The following TM9SF4 variants were observed in gnomAD, a reference collection of about 807,000 sequenced individuals.
TM9SF4 encodes transmembrane 9 superfamily member 4, also known as dinucleotide oxidase disulfide thiol exchanger 3 superfamily member 4.
TM9SF4 carries 26 observed loss-of-function variants against 90.4 expected under a neutral mutation model. The observed-to-expected ratio is 0.29, with a 90% CI of 0.21 to 0.40. The LOEUF is 0.40. Ranked by LOEUF, TM9SF4 falls within the 10% of genes least tolerant of loss-of-function variation. The probability of loss-of-function intolerance (pLI) is 1.00; values close to 1 mark genes in which losing one functional copy is unlikely to be tolerated. For synonymous variants in TM9SF4, 293 were observed against 315.4 expected (o/e 0.93, Z 0.75); for missense variants, 549 against 834.8 (o/e 0.66, Z 4.22).
chr20:32,121,862 CGGCTGGCCGGGCGGGGGGCTG>C (rs1569048774), intron 1 of TM9SF4, among the ~76,000 whole-genome samples: 5 of 146,200 alleles, frequency 3.4e-5, no homozygotes, highest in East Asian at 2.1e-4. Flanking sequence ...CCGGACGGGG[CGGCTGGCCGGGCGGGGGGCTG>C]ACCCCCCCAC....
At chr20:32,134,431 T>TTAA (rs2046566137) in intron 2 of TM9SF4, among the ~76,000 whole-genome samples, 1 of 152,218 alleles carries the variant, frequency 6.6e-6, no homozygotes, top group Admixed American at 6.5e-5. Flanking sequence ...ATAGAGGTCC[T>TTAA]TAATCCCTGC....
At chr20:32,115,828 T>C (rs78995606) in intron 1 of TM9SF4, among the ~76,000 whole-genome samples, 1 of 145,286 alleles carries the variant, frequency 6.9e-6, no homozygotes, top group African/African-American at 2.6e-5. Flanking sequence ...TTTTTTTTTT[T>C]TTTGAGACAG....
intron 6 of TM9SF4, among the ~76,000 whole-genome samples, chr20:32,144,505 CA>C (rs2046731659): frequency 6.6e-6 from 1 of 152,146 alleles, no homozygotes; most frequent in Non-Finnish European, 1.5e-5. Flanking sequence ...AGTGAAGGAA[CA>C]CTGACTCAGG....
intron 9 of TM9SF4, among the ~76,000 whole-genome samples, chr20:32,148,607 A>G (rs973595377): frequency 6.7e-6 from 1 of 149,962 alleles, no homozygotes; most frequent in Non-Finnish European, 1.5e-5. Context: ...CAATTCTTCT[A>G]TTATTTTTCT....
intron 1 of TM9SF4, among the ~76,000 whole-genome samples, chr20:32,111,230 A>G (rs762681079): frequency 1.3e-5 from 2 of 152,220 alleles, no homozygotes; most frequent in Non-Finnish European, 2.9e-5. Context: ...CAAATCCTCA[A>G]AGTAGTATGT....
intron 1 of TM9SF4, among the ~76,000 whole-genome samples, chr20:32,112,574 A>G (rs1188313723): frequency 3.3e-5 from 5 of 151,924 alleles, no homozygotes; most frequent in African/African-American, 1.2e-4. Flanking sequence ...CACACCTGTA[A>G]TCCCAGCTAC....
At chr20:32,146,902 G>A in intron 9 of TM9SF4, 47 bp downstream of exon 9, 9 of 1,558,168 alleles carry the variant, frequency 5.8e-6, no homozygotes, top group Non-Finnish European at 7.9e-6. Context: ...GGGGAGGGGA[G>A]GAGGACCGTG....
intron 9 of TM9SF4, among the ~76,000 whole-genome samples, chr20:32,148,983 C>T (rs1489168510): frequency 6.6e-6 from 1 of 152,184 alleles, no homozygotes; most frequent in Non-Finnish European, 1.5e-5. Context: ...AATATTACAG[C>T]TTTGAAATAC....
chr20:32,158,627 T>C, intron 15 of TM9SF4, 113 bp downstream of exon 15: 1 of 1,023,310 alleles, frequency 9.8e-7, no homozygotes, highest in Admixed American at 2.0e-5. Context: ...CCACTTCACC[T>C]CTCGGAGCCC....
chr20:32,162,833 G>A (rs879820658), intron 17 of TM9SF4, among the ~76,000 whole-genome samples: 2 of 151,896 alleles, frequency 1.3e-5, no homozygotes, highest in Admixed American at 6.6e-5. Flanking sequence ...TAAGTGGCAA[G>A]TGACTAAAAC....
intron 1 of TM9SF4, among the ~76,000 whole-genome samples, chr20:32,121,987 C>T (rs1333308060): frequency 6.9e-6 from 1 of 144,740 alleles, no homozygotes; most frequent in Non-Finnish European, 1.5e-5. Context: ...GGGCTGACCC[C>T]CCCACCTCCC....
chr20:32,116,194 T>C (rs911944911), intron 1 of TM9SF4: 9 of 151,424 alleles, frequency 5.9e-5, no homozygotes, highest in Non-Finnish European at 1.2e-4. Context: ...GTTAGCACTA[T>C]CCGTCTCCAG....
rs911187580 is a variant in TM9SF4, at chr20:32,128,846, C to G, written c.16-4167C>G. Among the ~76,000 whole-genome samples, 10 of 138,912 alleles carry G rather than the reference C, an allele frequency of 7.2e-5. No individual in the cohort carries two copies. In the Admixed American group the frequency reaches 7.7e-4, roughly 11 times the overall value. The allele number at this position is 138,912 out of a possible 152,430, so 91.1% of individuals were successfully genotyped here. Reference sequence around the variant, plus strand: ...TGTGTGTATACATTTATACAGTGTCCCAAGTCCTAGGTCTCCCTGAAGGCT... The same window carrying G: ...TGTGTGTATACATTTATACAGTGTCGCAAGTCCTAGGTCTCCCTGAAGGCT... On this transcript the variant is annotated intron_variant, in intron 1 of 17. Coordinates refer to ENST00000398022, the MANE Select transcript of TM9SF4 (RefSeq NM_014742.4).
chr20:32,133,015 T>C lies in TM9SF4; in HGVS notation c.18T>C (p.Asp6=), dbSNP rs2122375095. 6.2e-7 allele frequency: 1 copy of C among 1,614,030 alleles called. No individual in the cohort carries two copies. Among genetic ancestry groups the C allele is most frequent in the Admixed American group, 1.7e-5 (1 of 60,022 alleles). ...ACCCTGGCCTCTCTTCTGAGCAGGATTGGTTGCCGTGGTCTTTACTGCTTT... is the reference window on the plus strand; with the variant it reads ...ACCCTGGCCTCTCTTCTGAGCAGGACTGGTTGCCGTGGTCTTTACTGCTTT... MATAM[D]WLPWSLLLFS... The change falls in exon 2 of 18, where the codon GAT becomes GAC. Residue 6 remains aspartate, a splice_region_variant and synonymous_variant. Transcript: ENST00000398022.
At chr20:32,137,186 T>C (rs1442824648) in intron 3 of TM9SF4, among the ~76,000 whole-genome samples, 1 of 152,248 alleles carries the variant, frequency 6.6e-6, no homozygotes, top group East Asian at 1.9e-4. Flanking sequence ...GCCCTGCCAC[T>C]TACCATCTGT....
intron 1 of TM9SF4, among the ~76,000 whole-genome samples, chr20:32,122,528 G>C (rs1481247450): frequency 6.6e-6 from 1 of 150,824 alleles, no homozygotes; most frequent in Non-Finnish European, 1.5e-5. Context: ...CTCCCAGACG[G>C]GGTGGCGGCC....
chr20:32,165,566 G>A lies in TM9SF4; in HGVS notation c.*122G>A. On this transcript the variant is annotated 3_prime_UTR_variant, in exon 18 of 18. Transcript: ENST00000398022. ...TTTGGAATGTAACTCCTGGCACAGT[G>A]TTCCTGGATCCTGGGGCTGCGTGGG... 1 of 1,234,792 alleles carries A rather than the reference G, an allele frequency of 8.1e-7. No individual in the cohort carries two copies. Among genetic ancestry groups the A allele is most frequent in the South Asian group, 1.4e-5 (1 of 71,436 alleles). 76.5% of individuals were successfully genotyped at this position (1,234,792 alleles called of 1,614,324 possible).
Position 32,155,135 on chromosome 20 carries a change from C to T in TM9SF4, c.1278C>T (p.Gly426=), listed in dbSNP as rs2046900683. 1.2e-6 allele frequency: 2 copies of T among 1,614,170 alleles called. No individual in the cohort carries two copies. Among genetic ancestry groups the T allele is most frequent in the Non-Finnish European group, 1.7e-6 (2 of 1,180,030 alleles). ...CTCTGTACCCTGGTGTGGTTTTTGGCATCTGCTTCGTATTGAATTGCTTCA... is the reference window on the plus strand; with the variant it reads ...CTCTGTACCCTGGTGTGGTTTTTGGTATCTGCTTCGTATTGAATTGCTTCA... ...TATLYPGVVF[G]ICFVLNCFIW... Residue 426 remains glycine (G), a synonymous_variant, in exon 13 of 18, where the codon GGC becomes GGT. Transcript: ENST00000398022.
At chr20:32,147,640 A>C (rs1287068991) in intron 9 of TM9SF4, among the ~76,000 whole-genome samples, 3 of 152,080 alleles carry the variant, frequency 2.0e-5, no homozygotes, top group Non-Finnish European at 4.4e-5. Context: ...ATCACTTGAG[A>C]TCAGGAGTTC....
Sources: allele counts gnomAD v4.1 joint callset (sites outside exome capture counted in the v4.1 genomes callset), GRCh38; gene constraint gnomAD v4.1.1; transcripts MANE v1.5; gene names NCBI Gene and HGNC (gene_info 2026-07-23, HGNC 2026-07-21).